NID2: variants seen among roughly 807,000 people sequenced by gnomAD.
NID2 encodes nidogen-2.
NID2 carries 83 observed loss-of-function variants against 145.4 expected under a neutral mutation model. The observed-to-expected ratio is 0.57, with a 90% CI of 0.48 to 0.69. The LOEUF (loss-of-function observed/expected upper bound fraction) is 0.69. Ranked by LOEUF, NID2 falls within the 30% of genes least tolerant of loss-of-function variation. The probability of loss-of-function intolerance (pLI) is 0.00; values close to 1 mark genes in which losing one functional copy is unlikely to be tolerated. For synonymous variants in NID2, 739 were observed against 701.3 expected (o/e 1.05, Z -0.85); for missense variants, 1,807 against 1,765.7 (o/e 1.02, Z -0.42).
chr14:52,035,305 C>G (rs545461535), intron 9 of NID2, among the ~76,000 whole-genome samples: 2 of 152,332 alleles, frequency 1.3e-5, no homozygotes. Context: ...CTGGCAACCA[C>G]TGATCTTTTT....
In NID2 at chr14:52,060,267, T is replaced by A. The variant is rs1892981219; in HGVS notation, c.624A>T (p.Gly208=). The A allele has an allele frequency of 6.2e-7, 1 of 1,613,124 alleles. No homozygotes were observed. Among genetic ancestry groups the A allele is most frequent in the East Asian group, 2.2e-5 (1 of 44,824 alleles). Residue 208 remains glycine, a synonymous_variant, in exon 3 of 22, where the codon GGA becomes GGT. Transcript: ENST00000216286. ...CATTGTAAGACTCTTTGGGGCGGGT[T>A]CCAAGGAACTGCAGGCCGTTGGCAG... ...LYPANGLQFL[G]TRPKESYNVQ...
intron 5 of NID2, among the ~76,000 whole-genome samples, chr14:52,048,863 G>C (rs570212433): frequency 3.9e-5 from 6 of 152,284 alleles, no homozygotes; most frequent in African/African-American, 1.4e-4. Flanking sequence ...GCAGTTTCTG[G>C]TTCAGAAGGT....
At chr14:52,043,133 C>G (rs560290810) in intron 5 of NID2, among the ~76,000 whole-genome samples, 19 of 152,174 alleles carry the variant, frequency 1.2e-4, no homozygotes, top group Non-Finnish European at 2.4e-4. Flanking sequence ...CTGCTCCCGG[C>G]TGGGTCCCAT....
Position 52,053,888 on chromosome 14 carries a change from C to G in NID2, c.1120G>C (p.Val374Leu). 1 of 1,614,118 alleles carries G rather than the reference C, an allele frequency of 6.2e-7. No homozygotes were observed. Among genetic ancestry groups the G allele is most frequent in the East Asian group, 2.2e-5 (1 of 44,880 alleles). ...TGGCCTTTTAAATCTGGGCCCCCTACCTCTCCCAGAGATGTTCCTTCTTTG... is the reference window on the plus strand; with the variant it reads ...TGGCCTTTTAAATCTGGGCCCCCTAGCTCTCCCAGAGATGTTCCTTCTTTG... ...HTKEGTSLGEVGGPDLKGQVE... is the reference protein window; with the variant it reads ...HTKEGTSLGELGGPDLKGQVE... Residue 374 changes from valine to leucine, a missense_variant, in exon 5 of 22, where the codon GTA becomes CTA. Transcript: ENST00000216286.
rs986937511 is a variant in NID2 at position 52,011,407 on chromosome 14, G to A, written c.3550+147C>T. ...TATGAAGGTGTTTGCTTACAGAGGG[G>A]GCTAGTCTTATACAGCTCAATAAAA... On this transcript the variant is annotated intron_variant, in intron 17 of 21. Coordinates refer to ENST00000216286, the MANE Select transcript of NID2 (RefSeq NM_007361.4). 8 of 880,984 alleles carry A rather than the reference G, an allele frequency of 9.1e-6. No individual in the cohort carries two copies. The East Asian group carries it at 1.0e-4, about 11-fold the overall frequency. 54.6% of individuals were successfully genotyped at this position (880,984 alleles called of 1,614,324 possible).
In NID2 at chr14:52,029,742, T is replaced by C. The variant is rs751971974; in HGVS notation, c.2258-52A>G. 24 of 1,538,148 alleles carry C rather than the reference T, an allele frequency of 1.6e-5. No individual in the cohort carries two copies. The East Asian group carries it at 2.0e-4, about 13-fold the overall frequency. ...CACAATCTGGCTATTGGTAAGCAAATGTCACGGAGATAGAGGAGTCCTCGG... is the reference window on the plus strand; with the variant it reads ...CACAATCTGGCTATTGGTAAGCAAACGTCACGGAGATAGAGGAGTCCTCGG... On this transcript the variant is annotated intron_variant, in intron 9 of 21. Transcript: ENST00000216286.
chr14:52,032,285 G>T (rs750819795), intron 9 of NID2, among the ~76,000 whole-genome samples: 6 of 152,232 alleles, frequency 3.9e-5, no homozygotes, highest in Non-Finnish European at 8.8e-5. Context: ...CCACAATGTT[G>T]TCGGCTGGAG....
intron 14 of NID2, among the ~76,000 whole-genome samples, chr14:52,016,530 A>G (rs542875069): frequency 3.4e-4 from 51 of 152,084 alleles, no homozygotes; most frequent in South Asian, 2.9e-3. Flanking sequence ...TCCACATTTG[A>G]TATGTCAAAA....
At position 52,014,370 on chromosome 14, in the gene NID2, T is replaced by G. The variant is rs1891138240; in HGVS notation, c.3337A>C (p.Thr1113Pro). The change falls in exon 16 of 22, where the codon ACT (threonine) becomes CCT (proline). Residue 1113 changes from threonine (T) to proline (P), a missense_variant. Physicochemically the swap from Thr to Pro is conservative, Grantham distance 38 (BLOSUM62 -1). Transcript: ENST00000216286. ...PPSVGTFLLY[T>P]QGQQIGYLPL... ...AAGTAGCCAATCTGCTGGCCCTGAG[T>G]ATAGAGCAGGAAGGTGCCCACAGAT... 6.2e-7 allele frequency: 1 copy of G among 1,614,036 alleles called. No individual in the cohort carries two copies. Among genetic ancestry groups the G allele is most frequent in the Non-Finnish European group, 8.5e-7 (1 of 1,179,998 alleles).
At chr14:52,062,511 A>G (rs1268588781) in intron 2 of NID2, among the ~76,000 whole-genome samples, 1 of 152,260 alleles carries the variant, frequency 6.6e-6, no homozygotes, top group Non-Finnish European at 1.5e-5. Context: ...CAATAACTTC[A>G]GAGTTATACA....
At chr14:52,040,444 A>G (rs537615941) in intron 8 of NID2, among the ~76,000 whole-genome samples, 1 of 152,288 alleles carries the variant, frequency 6.6e-6, no homozygotes, top group African/African-American at 2.4e-5. Context: ...CTATGTAGGG[A>G]TATAGATATT....
intron 10 of NID2, 137 bp downstream of exon 10, chr14:52,029,410 C>T (rs1020164060): frequency 2.2e-5 from 18 of 816,356 alleles, no homozygotes; most frequent in Non-Finnish European, 3.2e-5. Context: ...TAACTATATT[C>T]AGATTAACAG....
At chr14:52,044,561 C>T (rs767392423) in intron 5 of NID2, among the ~76,000 whole-genome samples, 11 of 151,966 alleles carry the variant, frequency 7.2e-5, no homozygotes, top group South Asian at 6.3e-4. Context: ...TGAGCCACCC[C>T]GCCCGGCCAA....
At chr14:52,005,552 G>GTTGC (rs780525368) in intron 21 of NID2, 56 bp from the exon 22 acceptor site, 60 of 1,570,096 alleles carry the variant, frequency 3.8e-5, no homozygotes, top group Non-Finnish European at 5.0e-5. Context: ...TTGTAACCAA[G>GTTGC]TTGCAACAGC....
chr14:52,021,291 C>T (rs17124901), intron 12 of NID2, among the ~76,000 whole-genome samples: 19,461 of 151,968 alleles, frequency 0.13, 1,299 homozygotes, highest in East Asian at 0.17. Context: ...TGCATCAATA[C>T]GGTGCAGCCC....
Position 52,054,306 on chromosome 14 carries a change from C to T in NID2, c.783G>A (p.Gly261=). Residue 261 remains glycine, a synonymous_variant, in exon 4 of 22, where the codon GGG becomes GGA. Coordinates refer to ENST00000216286, the MANE Select transcript of NID2 (RefSeq NM_007361.4). Reference sequence around the variant, plus strand: ...TATGGAAAGCCCACACTCCAGGGATCCCCAGGTTGCTTAGTCTAAATAAAA... The same window carrying T: ...TATGGAAAGCCCACACTCCAGGGATTCCCAGGTTGCTTAGTCTAAATAAAA... ...VKNLYQLSNL[G]IPGVWAFHIG... The T allele has an allele frequency of 6.2e-7, 1 of 1,611,898 alleles. No individual in the cohort carries two copies. Among genetic ancestry groups the T allele is most frequent in the Non-Finnish European group, 8.5e-7 (1 of 1,178,464 alleles).
intron 16 of NID2, 46 bp from the exon 17 acceptor site, chr14:52,011,729 C>T (rs757352396): frequency 6.2e-7 from 1 of 1,610,632 alleles, no homozygotes; most frequent in South Asian, 1.1e-5. Context: ...GTTACATTTC[C>T]CCTTTGTTCA....
In NID2 at chr14:52,027,309, T is replaced by A; in HGVS notation, c.2566A>T (p.Ser856Cys). 1 of 1,591,302 alleles carries A rather than the reference T, an allele frequency of 6.3e-7. No homozygotes were observed. Among genetic ancestry groups the A allele is most frequent in the Non-Finnish European group, 8.5e-7 (1 of 1,169,976 alleles). ...TPPANPCEDG[S>C]HTCAPAGQAR... ...TGCCCAGCAGGAGCACAGGTATGAC[T>A]GCCATCCTCACAGGGGTTGGCAGGT... The change falls in exon 12 of 22, where the codon AGT becomes TGT. Residue 856 changes from serine to cysteine, a missense_variant. Transcript: ENST00000216286.
chr14:52,054,049 T>A lies in NID2; in HGVS notation c.1040A>T (p.Gln347Leu). 6.2e-7 allele frequency: 1 copy of A among 1,614,180 alleles called. No homozygotes were observed. The highest frequency in any genetic ancestry group is 8.5e-7 in the Non-Finnish European group (1 of 1,180,018). Reference sequence around the variant, plus strand: ...TAAAGGCTTTGTATCCACTTTGGATTGGAAGGAAACATCAATGCTGCTGTG... The same window carrying A: ...TAAAGGCTTTGTATCCACTTTGGATAGGAAGGAAACATCAATGCTGCTGTG... ...NGHSSIDVSF[Q>L]SKVDTKPLEE... Residue 347 changes from glutamine (Q) to leucine (L), a missense_variant, in exon 4 of 22, where the codon CAA becomes CTA. Transcript: ENST00000216286.
Sources: gnomAD v4.1 joint callset for allele counts (sites outside exome capture counted in the v4.1 genomes callset) on GRCh38, gnomAD v4.1.1 for gene constraint, MANE v1.5 for transcripts, NCBI Gene and HGNC (gene_info 2026-07-23, HGNC 2026-07-21) for gene names.